The following PARD3B variants were observed in gnomAD, a reference collection of about 807,000 sequenced individuals.
PARD3B encodes partitioning defective 3 homolog B.
A neutral mutation model predicts 130.2 loss-of-function variants in PARD3B; 103 were observed. The observed-to-expected ratio is 0.79, with a 90% CI of 0.67 to 0.93. The LOEUF is 0.93. PARD3B is among the 40% of genes least tolerant of loss of function. The pLI, the probability that PARD3B is intolerant of heterozygous loss-of-function variation, is 0.00. For synonymous variants in PARD3B, 583 were observed against 553.2 expected (o/e 1.05, Z -0.76); for missense variants, 1,609 against 1,499.2 (o/e 1.07, Z -1.21).
At chr2:204,595,647 TC>T (rs1369721163) in intron 1 of PARD3B, among the ~76,000 whole-genome samples, 1 of 152,206 alleles carries the variant, frequency 6.6e-6, no homozygotes, top group Non-Finnish European at 1.5e-5. Flanking sequence ...TTAAAAACAG[TC>T]ACTTTGTGAG....
At chr2:205,184,655 T>C (rs2035989540) in intron 13 of PARD3B, among the ~76,000 whole-genome samples, 1 of 151,902 alleles carries the variant, frequency 6.6e-6, no homozygotes, top group Non-Finnish European at 1.5e-5. Context: ...GGCAGGAGAA[T>C]GGCGTGAACC....
chr2:204,946,501 G>T (rs906807524), intron 2 of PARD3B, among the ~76,000 whole-genome samples: 5 of 151,800 alleles, frequency 3.3e-5, no homozygotes, highest in African/African-American at 1.2e-4. Flanking sequence ...TTCCATCATT[G>T]ACCATCTTAC....
chr2:204,944,096 G>T (rs557395741), intron 2 of PARD3B, among the ~76,000 whole-genome samples: 1 of 152,272 alleles, frequency 6.6e-6, no homozygotes, highest in South Asian at 2.1e-4. Flanking sequence ...AAGAATGAAA[G>T]AAACTGGTGG....
chr2:205,265,632 A>C lies in PARD3B; in HGVS notation c.2185+19810A>C, dbSNP rs2040474277. On this transcript the variant is annotated intron_variant, in intron 16 of 22. Coordinates refer to ENST00000406610, the MANE Select transcript of PARD3B (RefSeq NM_001302769.2). This position sits in a 1 kb window ranked among gnomAD's most constrained non-coding sequence, Gnocchi z 4.3. ...TTTTGATGTCACTTTTCATTGTTTT[A>C]TTCACAAAAAGGAAAAACAATATTT... 6.6e-6 allele frequency among the ~76,000 whole-genome samples: 1 copy of C among 151,978 alleles called. No homozygotes were observed. Among genetic ancestry groups the C allele is most frequent in the Admixed American group, 6.6e-5 (1 of 15,248 alleles).
intron 2 of PARD3B, among the ~76,000 whole-genome samples, chr2:204,744,888 T>G (rs2040152470): frequency 6.6e-6 from 1 of 152,060 alleles, no homozygotes; most frequent in Admixed American, 6.6e-5. Context: ...TCCCCTCCAG[T>G]AAAAGCAAGT....
chr2:205,024,310 G>A (rs1696857340), intron 3 of PARD3B, among the ~76,000 whole-genome samples: 1 of 151,358 alleles, frequency 6.6e-6, no homozygotes, highest in South Asian at 2.1e-4. Flanking sequence ...TGGGATTACA[G>A]GTGCACCCCC....
intron 20 of PARD3B, among the ~76,000 whole-genome samples, chr2:205,464,875 T>G (rs1371039769): frequency 6.6e-6 from 1 of 152,118 alleles, no homozygotes; most frequent in East Asian, 1.9e-4. Flanking sequence ...CTTCTTTGGG[T>G]TAGTGGAACC....
At chr2:204,935,638 C>CA (rs1242469987) in intron 2 of PARD3B, among the ~76,000 whole-genome samples, 7 of 151,530 alleles carry the variant, frequency 4.6e-5, no homozygotes, top group Non-Finnish European at 8.8e-5. Flanking sequence ...AAATTTTATC[C>CA]TTCTGTTCTT....
chr2:204,832,453 G>A (rs1360246731), intron 2 of PARD3B, among the ~76,000 whole-genome samples: 2 of 152,062 alleles, frequency 1.3e-5, no homozygotes, highest in East Asian at 1.9e-4. Flanking sequence ...ATACCTTCTC[G>A]GTCTGTAGCA....
chr2:204,776,714 G>A (rs1417995365), intron 2 of PARD3B, among the ~76,000 whole-genome samples: 2 of 151,842 alleles, frequency 1.3e-5, no homozygotes, highest in Non-Finnish European at 2.9e-5. Context: ...ATTTGCCTGG[G>A]GTCTGGTAGG....
chr2:205,313,654 G>T (rs370734635), intron 18 of PARD3B, among the ~76,000 whole-genome samples: 1 of 152,096 alleles, frequency 6.6e-6, no homozygotes, highest in Non-Finnish European at 1.5e-5. Context: ...CCTAATATGC[G>T]TGCACAGCTC....
chr2:204,624,067 G>A (rs1241157264), intron 1 of PARD3B, among the ~76,000 whole-genome samples: 1 of 152,076 alleles, frequency 6.6e-6, no homozygotes, highest in African/African-American at 2.4e-5. Context: ...AGAGTGAAAT[G>A]TCCATCATTT....
At position 204,861,162 on chromosome 2, in the gene PARD3B, TTCTCTCTCTCTCTCTCTCTCTCTCTCTC is replaced by T. The variant is rs60740602; in HGVS notation, c.223-103965_223-103938del. Among the ~76,000 whole-genome samples, 1,712 of 91,370 alleles carry T rather than the reference TTCTCTCTCTCTCTCTCTCTCTCTCTCTC, an allele frequency of 0.019. 60 individuals carry two copies. The East Asian group carries it at 0.24, about 13-fold the overall frequency. The allele number at this position is 91,370 out of a possible 152,430, so 59.9% of individuals were successfully genotyped here. On this transcript the variant is annotated intron_variant, in intron 2 of 22. Coordinates refer to ENST00000406610, the MANE Select transcript of PARD3B (RefSeq NM_001302769.2). Reference sequence around the variant, plus strand: ...TTTCACCTATTGCTACCTAATACCTTTCTCTCTCTCTCTCTCTCTCTCTCTCTCTCTCTCTCTCTCTCTCTCTCTCTCG... The same window carrying T: ...TTTCACCTATTGCTACCTAATACCTTTCTCTCTCTCTCTCTCTCTCTCTCG...
intron 15 of PARD3B, among the ~76,000 whole-genome samples, chr2:205,223,305 T>G (rs1028881742): frequency 2.0e-5 from 3 of 152,162 alleles, no homozygotes; most frequent in African/African-American, 4.8e-5. Flanking sequence ...TGGAGTAGCT[T>G]AGAAAAATTA....
At chr2:204,880,657 CAAAAAA>C (rs746023895) in intron 2 of PARD3B, among the ~76,000 whole-genome samples, 1 of 55,466 alleles carries the variant, frequency 1.8e-5, no homozygotes. Context: ...GACTCCATCT[CAAAAAA>C]AAAAAAAAAA....
At chr2:205,415,250 G>A (rs1048010054) in intron 19 of PARD3B, among the ~76,000 whole-genome samples, 3 of 151,988 alleles carry the variant, frequency 2.0e-5, no homozygotes, top group South Asian at 2.1e-4. Context: ...TTTTCACACG[G>A]CAACTTAAAA....
chr2:204,547,072 G>T (rs372182826), intron 1 of PARD3B, among the ~76,000 whole-genome samples: 1 of 152,152 alleles, frequency 6.6e-6, no homozygotes, highest in Non-Finnish European at 1.5e-5. Flanking sequence ...GCGGCCAATG[G>T]TTCTCTTAAT....
rs1007154112 is a variant in PARD3B at position 204,810,462 on chromosome 2, CATGGAAGG to C, written c.222+124184_222+124191del. 1.1e-4 allele frequency among the ~76,000 whole-genome samples: 17 copies of C among 152,134 alleles called. No individual in the cohort carries two copies. The Middle Eastern group carries it at 0.01, about 91-fold the overall frequency. On this transcript the variant is annotated intron_variant, in intron 2 of 22. Coordinates refer to ENST00000406610, the MANE Select transcript of PARD3B (RefSeq NM_001302769.2). ...GATAGTTTTTTAACATGTTTTTTAACATGGAAGGATGTTGAATTTTATCAAAAGCCTTT... is the reference window on the plus strand; with the variant it reads ...GATAGTTTTTTAACATGTTTTTTAACATGTTGAATTTTATCAAAAGCCTTT...
chr2:205,580,605 T>C (rs1172725732), intron 22 of PARD3B, among the ~76,000 whole-genome samples: 1 of 152,244 alleles, frequency 6.6e-6, no homozygotes, highest in Non-Finnish European at 1.5e-5. Flanking sequence ...GGAGTAAGTT[T>C]CAGTGCCTTA....
Sources: allele counts gnomAD v4.1 joint callset (sites outside exome capture counted in the v4.1 genomes callset), GRCh38; gene constraint gnomAD v4.1.1; non-coding constraint Gnocchi (gnomAD v3.1); transcripts MANE v1.5; gene names NCBI Gene and HGNC (gene_info 2026-07-23, HGNC 2026-07-21).